Variants in CSMD1 observed in about 807,000 individuals in gnomAD.
The protein encoded by CSMD1 is CUB and Sushi multiple domains 1, also known as CUB and sushi domain-containing protein 1.
CSMD1 carries 213 observed loss-of-function variants against 417.5 expected under a neutral mutation model. That is an observed-to-expected ratio of 0.51 (90% CI 0.46 to 0.57). The LOEUF is 0.57. Ranked by LOEUF, CSMD1 falls within the 20% of genes least tolerant of loss-of-function variation. The pLI, the probability that CSMD1 is intolerant of heterozygous loss-of-function variation, is 0.00. For synonymous variants in CSMD1, 2,862 were observed against 1,736.8 expected (o/e 1.65, Z -16.11); for missense variants, 6,923 against 4,529.7 (o/e 1.53, Z -15.17).
At chr8:3,799,230 A>T (rs1002894983) in intron 5 of CSMD1, among the ~76,000 whole-genome samples, 1 of 151,666 alleles carries the variant, frequency 6.6e-6, no homozygotes. Context: ...CTGATTCTAC[A>T]GTTTTTTTTC....
At chr8:4,175,120 T>G (rs1026507697) in intron 3 of CSMD1, among the ~76,000 whole-genome samples, 1 of 152,020 alleles carries the variant, frequency 6.6e-6, no homozygotes, top group African/African-American at 2.4e-5. Flanking sequence ...AATAATAATA[T>G]CTGAGGAATA....
At chr8:3,879,070 G>A (rs1051348167) in intron 5 of CSMD1, among the ~76,000 whole-genome samples, 3 of 152,114 alleles carry the variant, frequency 2.0e-5, no homozygotes, top group African/African-American at 7.2e-5. Context: ...GATAGCATCT[G>A]AGTTATTCTG....
chr8:3,409,508 G>A lies in CSMD1; in HGVS notation c.1659C>T (p.Cys553=), dbSNP rs757531146. ...FLHGDTLTFE[C]PAAFELVGER... ...CCCCCACCAGCTCAAAGGCCGCCGG[G>A]CATTCAAAGGTGAGTGTATCTCCAT... The change falls in exon 13 of 70, where the codon TGC becomes TGT. Residue 553 remains cysteine (C), a synonymous_variant. Transcript: ENST00000635120. 6.8e-6 allele frequency: 11 copies of A among 1,611,010 alleles called. No individual in the cohort carries two copies. In the Admixed American group the frequency reaches 1.2e-4, roughly 17 times the overall value.
intron 1 of CSMD1, among the ~76,000 whole-genome samples, chr8:4,909,636 G>C (rs546642508): frequency 1.3e-5 from 2 of 152,288 alleles, no homozygotes; most frequent in Non-Finnish European, 2.9e-5. Flanking sequence ...TAGAAGTAAA[G>C]GCAATGAGTG....
intron 45 of CSMD1, 44 bp downstream of exon 45, chr8:3,107,674 A>C: frequency 1.8e-6 from 2 of 1,136,182 alleles, no homozygotes; most frequent in South Asian, 1.3e-5. Flanking sequence ...GGTGTAAAAA[A>C]ATGTCGTGCT....
chr8:3,818,668 T>G (rs986414712), intron 5 of CSMD1, among the ~76,000 whole-genome samples: 4 of 152,108 alleles, frequency 2.6e-5, no homozygotes, highest in African/African-American at 9.7e-5. Flanking sequence ...ATGACAGCAA[T>G]GATGACCTTC....
chr8:4,756,097 A>C (rs1020614626), intron 1 of CSMD1, among the ~76,000 whole-genome samples: 3 of 152,210 alleles, frequency 2.0e-5, no homozygotes, highest in African/African-American at 7.2e-5. Context: ...GTATGTTCCA[A>C]AAAATTCTTT....
chr8:4,050,084 G>A (rs7813839), intron 3 of CSMD1, among the ~76,000 whole-genome samples: 5,829 of 152,226 alleles, frequency 0.038, 351 homozygotes, highest in African/African-American at 0.12. Context: ...TTTTCTCACA[G>A]TGCACCAGGT....
At chr8:3,330,594 G>A (rs981180205) in intron 23 of CSMD1, among the ~76,000 whole-genome samples, 5 of 152,124 alleles carry the variant, frequency 3.3e-5, no homozygotes, top group Non-Finnish European at 2.9e-5. Flanking sequence ...GGGGCCTATT[G>A]GAGGGTGGAG....
At chr8:4,574,066 G>C (rs897388391) in intron 2 of CSMD1, among the ~76,000 whole-genome samples, 56 of 152,204 alleles carry the variant, frequency 3.7e-4, no homozygotes, top group African/African-American at 1.3e-3. Context: ...GACTCCATGG[G>C]GGTGGGACCC....
chr8:3,108,734 T>C lies in CSMD1; in HGVS notation c.6623A>G (p.Gln2208Arg), dbSNP rs370023558. 36 of 1,613,094 alleles carry C rather than the reference T, an allele frequency of 2.2e-5. No homozygotes were observed. The Admixed American group carries it at 6.0e-4, about 27-fold the overall frequency. Residue 2208 changes from glutamine (Q) to arginine (R), a missense_variant, in exon 44 of 70, where the codon CAG (glutamine) becomes CGG (arginine). By Grantham distance (43) the Gln-to-Arg change is conservative (BLOSUM62 1). Coordinates refer to ENST00000635120, the MANE Select transcript of CSMD1 (RefSeq NM_033225.6). ...GAAAACTCCCAGCTGGGGTGAGTTC[T>C]GATCGGGACCGTCCCTAGGAAAGAC... Reference protein sequence around the residue: ...DYIAVWDGPDQNSPQLGVFSG... With the variant: ...DYIAVWDGPDRNSPQLGVFSG...
chr8:3,393,985 T>TAATAAC (rs1811510339), intron 17 of CSMD1, among the ~76,000 whole-genome samples: 2 of 13,454 alleles, frequency 1.5e-4, no homozygotes, highest in Non-Finnish European at 3.1e-4. Context: ...ACTTAACGTA[T>TAATAAC]AATAATAATA....
chr8:3,805,276 C>T (rs926285088), intron 5 of CSMD1, among the ~76,000 whole-genome samples: 1 of 152,134 alleles, frequency 6.6e-6, no homozygotes, highest in African/African-American at 2.4e-5. Flanking sequence ...GCATCAGCAT[C>T]GCAGAGGAAG....
At chr8:4,074,840 T>G (rs2130791426) in intron 3 of CSMD1, among the ~76,000 whole-genome samples, 1 of 152,256 alleles carries the variant, frequency 6.6e-6, no homozygotes, top group East Asian at 1.9e-4. Flanking sequence ...TGGTAGAATT[T>G]TCTGAGTTTT....
At position 4,000,155 on chromosome 8, in the gene CSMD1, T is replaced by G. The variant is rs368692682; in HGVS notation, c.611-2045A>C. ...AAGCACACACACTTCCCTGGTCAACTGAGAACAAGCTGCACAACTGCCCAG... is the reference window on the plus strand; with the variant it reads ...AAGCACACACACTTCCCTGGTCAACGGAGAACAAGCTGCACAACTGCCCAG... On this transcript the variant is annotated intron_variant, in intron 4 of 69. Coordinates refer to ENST00000635120, the MANE Select transcript of CSMD1 (RefSeq NM_033225.6). Among the ~76,000 whole-genome samples, 63 of 151,924 alleles carry G rather than the reference T, an allele frequency of 4.1e-4. No homozygotes were observed. In the East Asian group the frequency reaches 9.2e-3, roughly 22 times the overall value.
intron 3 of CSMD1, among the ~76,000 whole-genome samples, chr8:4,256,583 G>T (rs1024264138): frequency 6.6e-6 from 1 of 152,132 alleles, no homozygotes; most frequent in Non-Finnish European, 1.5e-5. Context: ...ATGGGAAGGG[G>T]TTTACCCTCA....
rs185843139 is a variant in CSMD1 at position 4,146,416 on chromosome 8, C to G, written c.416-114317G>C. Among the ~76,000 whole-genome samples the G allele has an allele frequency of 2.1e-3, 311 of 150,296 alleles. 2 individuals are homozygous for G. The highest frequency in any genetic ancestry group is 3.8e-3 in the Non-Finnish European group (260 of 67,968). ...GTTGATAATGTGGCACAGCAGACTC[C>G]AAAGACGTGTACCCAGGATGTGTCT... On this transcript the variant is annotated intron_variant, in intron 3 of 69. Transcript: ENST00000635120.
At chr8:3,453,906 GT>G (rs1698669346) in intron 12 of CSMD1, among the ~76,000 whole-genome samples, 1 of 152,182 alleles carries the variant, frequency 6.6e-6, no homozygotes, top group Admixed American at 6.5e-5. Flanking sequence ...GATGTTGACA[GT>G]AGGGTGTTAA....
intron 52 of CSMD1, among the ~76,000 whole-genome samples, chr8:3,018,149 T>G (rs1270392901): frequency 6.6e-6 from 1 of 152,228 alleles, no homozygotes; most frequent in East Asian, 1.9e-4. Context: ...AATTTTAAAA[T>G]TTTTAAAAAC....
Sources: allele counts gnomAD v4.1 joint callset (sites outside exome capture counted in the v4.1 genomes callset), GRCh38; gene constraint gnomAD v4.1.1; transcripts MANE v1.5; gene names NCBI Gene and HGNC (gene_info 2026-07-23, HGNC 2026-07-21).